Variants in NR3C2 observed in about 807,000 individuals in gnomAD.
The protein encoded by NR3C2 is mineralocorticoid receptor.
Under a neutral mutation model 86.4 loss-of-function variants are expected in NR3C2, and 15 were observed. That is an observed-to-expected ratio of 0.17 (90% confidence interval 0.12 to 0.27). NR3C2 has a LOEUF of 0.27. Among genes scored for constraint, NR3C2 ranks in the 10% least tolerant of loss-of-function variants. The probability of loss-of-function intolerance (pLI) is 1.00; values close to 1 mark genes in which losing one functional copy is unlikely to be tolerated. For synonymous variants in NR3C2, 458 were observed against 450.5 expected, an observed-to-expected ratio of 1.02 and a Z score of -0.21; for missense variants, 960 against 1,195.6, an observed-to-expected ratio of 0.80 and a Z score of 2.91.
At chr4:148,337,487 G>A (rs1021964561) in intron 2 of NR3C2, among the ~76,000 whole-genome samples, 1 of 152,138 alleles carries the variant, frequency 6.6e-6, no homozygotes, top group Non-Finnish European at 1.5e-5. Context: ...ATTTTAAGCA[G>A]GGATGCTACA....
At chr4:148,090,535 C>T (rs1253018236) in intron 8 of NR3C2, among the ~76,000 whole-genome samples, 1 of 152,170 alleles carries the variant, frequency 6.6e-6, no homozygotes, top group Non-Finnish European at 1.5e-5. Flanking sequence ...GAACAAGAGG[C>T]AGCATGCAGC....
intron 6 of NR3C2, among the ~76,000 whole-genome samples, chr4:148,130,814 G>GTTTTTTTTTTTT (rs1193845630): frequency 4.8e-4 from 37 of 77,062 alleles, no homozygotes; most frequent in Non-Finnish European, 6.6e-4. Context: ...GTTTTGTTTT[G>GTTTTTTTTTTTT]TTTTGTTTTT....
chr4:148,381,241 A>G (rs565825089), intron 2 of NR3C2, among the ~76,000 whole-genome samples: 1 of 152,246 alleles, frequency 6.6e-6, no homozygotes, highest in South Asian at 2.1e-4. Context: ...AGAAAAAAAA[A>G]AAAAGAGGAA....
At chr4:148,091,831 A>T (rs1301252396) in intron 8 of NR3C2, among the ~76,000 whole-genome samples, 1 of 152,142 alleles carries the variant, frequency 6.6e-6, no homozygotes, top group East Asian at 1.9e-4. Context: ...CTGAACTCAC[A>T]CCCTGGAAGG....
At chr4:148,096,934 A>G (rs1478914088) in intron 8 of NR3C2, among the ~76,000 whole-genome samples, 1 of 152,242 alleles carries the variant, frequency 6.6e-6, no homozygotes, top group Non-Finnish European at 1.5e-5. Flanking sequence ...ATTCAATAAC[A>G]GCTTTTGAAC....
intron 8 of NR3C2, among the ~76,000 whole-genome samples, chr4:148,094,715 CAAA>C (rs560353672): frequency 1.1e-4 from 11 of 103,584 alleles, no homozygotes; most frequent in African/African-American, 2.1e-4. Context: ...AACTCCATCT[CAAA>C]AAAAAAAACA....
intron 2 of NR3C2, among the ~76,000 whole-genome samples, chr4:148,286,985 G>A (rs1035590510): frequency 6.6e-6 from 1 of 152,184 alleles, no homozygotes; most frequent in Non-Finnish European, 1.5e-5. Flanking sequence ...GCTAGTGGCA[G>A]AATACTAATT....
intron 2 of NR3C2, among the ~76,000 whole-genome samples, chr4:148,364,193 C>T (rs971623508): frequency 4.6e-5 from 7 of 152,162 alleles, no homozygotes; most frequent in Non-Finnish European, 7.4e-5. Context: ...TTCCCTCCTG[C>T]CATTTCTTAT....
At chr4:148,146,009 C>A (rs906112839) in intron 6 of NR3C2, among the ~76,000 whole-genome samples, 23 of 151,908 alleles carry the variant, frequency 1.5e-4, no homozygotes, top group Non-Finnish European at 5.9e-5. Context: ...GGGGCAGACA[C>A]TGGAAGCTGC....
chr4:148,321,736 T>A (rs1743606975), intron 2 of NR3C2, among the ~76,000 whole-genome samples: 1 of 152,190 alleles, frequency 6.6e-6, no homozygotes, highest in Non-Finnish European at 1.5e-5. Context: ...TCTTGGTAGA[T>A]CTTCCTCCAT....
chr4:148,215,583 A>G (rs17024482), intron 3 of NR3C2, among the ~76,000 whole-genome samples: 9,679 of 152,214 alleles, frequency 0.064, 457 homozygotes, highest in African/African-American at 0.14. Context: ...ATAGCTATTG[A>G]ATTTATGTGC....
intron 2 of NR3C2, among the ~76,000 whole-genome samples, chr4:148,306,270 CA>C (rs1742618056): frequency 6.6e-6 from 1 of 152,166 alleles, no homozygotes; most frequent in Non-Finnish European, 1.5e-5. Context: ...CTCATCATAT[CA>C]CTCAGCTACA....
intron 3 of NR3C2, among the ~76,000 whole-genome samples, chr4:148,224,243 GT>G (rs143937282): frequency 0.022 from 3,418 of 152,026 alleles, 67 homozygotes; most frequent in Middle Eastern, 0.051. Flanking sequence ...GAGCTAGAGA[GT>G]CAAGAATTTT....
upstream of NR3C2, chr4:148,444,266 G>T (rs61760038): frequency 2.2e-5 from 22 of 985,406 alleles, no homozygotes; most frequent in Non-Finnish European, 2.5e-5. Context: ...AGGAGGGCCG[G>T]TCTTGCCCTG....
intron 3 of NR3C2, among the ~76,000 whole-genome samples, chr4:148,226,881 T>C (rs1181619580): frequency 6.6e-6 from 1 of 152,218 alleles, no homozygotes; most frequent in Non-Finnish European, 1.5e-5. Context: ...CCAGCATCAT[T>C]GGTTAAGCCT....
At chr4:148,406,474 T>C (rs1327586060) in intron 2 of NR3C2, among the ~76,000 whole-genome samples, 1 of 152,034 alleles carries the variant, frequency 6.6e-6, no homozygotes, top group African/African-American at 2.4e-5. Flanking sequence ...TATGGAAAGA[T>C]AATTACCCCA....
At chr4:148,271,858 T>G (rs1740701198) in intron 2 of NR3C2, among the ~76,000 whole-genome samples, 1 of 152,224 alleles carries the variant, frequency 6.6e-6, no homozygotes, top group African/African-American at 2.4e-5. Context: ...AATCAGGGCC[T>G]GGCTTCTTTC....
intron 6 of NR3C2, among the ~76,000 whole-genome samples, chr4:148,145,620 C>T (rs1408303691): frequency 6.6e-6 from 1 of 152,174 alleles, no homozygotes; most frequent in Non-Finnish European, 1.5e-5. Flanking sequence ...GACAGATTCC[C>T]CCGCTGGGAA....
chr4:148,423,788 C>G (rs1410640898), intron 2 of NR3C2, among the ~76,000 whole-genome samples: 1 of 152,214 alleles, frequency 6.6e-6, no homozygotes, highest in Non-Finnish European at 1.5e-5. Flanking sequence ...CTGCAACCTC[C>G]ACTTCCCTAG....
Sources: allele counts gnomAD v4.1 joint callset (sites outside exome capture counted in the v4.1 genomes callset), GRCh38; gene constraint gnomAD v4.1.1; transcripts MANE v1.5; gene names NCBI Gene and HGNC (gene_info 2026-07-23, HGNC 2026-07-21).